FAM135A: variants seen among roughly 807,000 people sequenced by gnomAD.
FAM135A encodes protein FAM135A.
A neutral mutation model predicts 146.8 loss-of-function variants in FAM135A; 79 were observed. The ratio of observed to expected loss-of-function variants is 0.54; its 90% CI spans 0.45 to 0.65. The LOEUF (loss-of-function observed/expected upper bound fraction) is 0.65. Among genes scored for constraint, FAM135A ranks in the 30% least tolerant of loss-of-function variants. The probability of loss-of-function intolerance (pLI) is 0.00; values close to 1 mark genes in which losing one functional copy is unlikely to be tolerated. For missense variants in FAM135A, 1,623 were observed against 1,758.2 expected (o/e 0.92, Z 1.38); for synonymous variants, 562 against 603.6 (o/e 0.93, Z 1.01).
intron 4 of FAM135A, among the ~76,000 whole-genome samples, chr6:70,433,650 G>A (rs1772279300): frequency 1.3e-5 from 2 of 152,118 alleles, no homozygotes; most frequent in East Asian, 3.9e-4. Context: ...GCCTTGGTTG[G>A]GACTTCTCAG....
Position 70,525,361 on chromosome 6 carries a change from T to C in FAM135A, c.2277T>C (p.Ser759=). 5.0e-6 allele frequency: 8 copies of C among 1,613,608 alleles called. No homozygotes were observed. Among genetic ancestry groups the C allele is most frequent in the Non-Finnish European group, 6.8e-6 (8 of 1,179,672 alleles). Residue 759 remains serine (S), a synonymous_variant, in exon 15 of 22, where the codon AGT becomes AGC. Coordinates refer to ENST00000418814, the MANE Select transcript of FAM135A (RefSeq NM_001162529.3). Reference sequence around the variant, plus strand: ...ATACAATTAAGTTACCAGATATTAGTGCCACATATGCCTCATCTAGATTTT... The same window carrying C: ...ATACAATTAAGTTACCAGATATTAGCGCCACATATGCCTCATCTAGATTTT... ...SGDTIKLPDI[S]ATYASSRFSD... is the part of the protein sequence containing the mutation.
At chr6:70,445,873 C>G (rs866650348) in intron 4 of FAM135A, among the ~76,000 whole-genome samples, 2 of 152,156 alleles carry the variant, frequency 1.3e-5, no homozygotes, top group South Asian at 4.1e-4. Context: ...CCCAACATAT[C>G]CCCCTTATTT....
At chr6:70,435,107 ATATT>A (rs201944357) in intron 4 of FAM135A, among the ~76,000 whole-genome samples, 4,707 of 65,666 alleles carry the variant, frequency 0.072, 78 homozygotes, top group Non-Finnish European at 0.11. Context: ...ATATATATAT[ATATT>A]TTTTTTTTTT....
intron 4 of FAM135A, among the ~76,000 whole-genome samples, chr6:70,443,337 C>T (rs750058253): frequency 1.4e-4 from 21 of 152,178 alleles, no homozygotes; most frequent in Non-Finnish European, 2.5e-4. Context: ...CCTCCTAGTG[C>T]AATACATTAC....
At chr6:70,472,686 TTCA>T (rs940551963) in intron 5 of FAM135A, among the ~76,000 whole-genome samples, 3 of 152,192 alleles carry the variant, frequency 2.0e-5, no homozygotes, top group Non-Finnish European at 4.4e-5. Context: ...TTTAGTCTCC[TTCA>T]TCCTAGAACA....
intron 16 of FAM135A, among the ~76,000 whole-genome samples, chr6:70,530,063 CAAA>C (rs372824722): frequency 6.9e-6 from 1 of 145,572 alleles, no homozygotes; most frequent in Non-Finnish European, 1.5e-5. Context: ...GACTACGTCT[CAAA>C]AAAAAAAATA....
chr6:70,465,049 C>T (rs1421222128), intron 5 of FAM135A, among the ~76,000 whole-genome samples: 3 of 151,764 alleles, frequency 2.0e-5, no homozygotes, highest in Non-Finnish European at 4.4e-5. Context: ...CATTTTCCTA[C>T]CCCCTGTCAA....
At chr6:70,516,877 A>G (rs922911701) in intron 12 of FAM135A, among the ~76,000 whole-genome samples, 1 of 152,132 alleles carries the variant, frequency 6.6e-6, no homozygotes, top group African/African-American at 2.4e-5. Context: ...CTTATATTCT[A>G]GTAGAGGGGA....
intron 10 of FAM135A, among the ~76,000 whole-genome samples, chr6:70,488,503 A>G (rs1462047761): frequency 6.9e-6 from 1 of 143,974 alleles, no homozygotes; most frequent in Non-Finnish European, 1.5e-5. Context: ...CATCACATTT[A>G]TACATTTCTA....
intron 12 of FAM135A, chr6:70,503,245 T>G (rs755851110): frequency 6.5e-6 from 1 of 153,444 alleles, no homozygotes; most frequent in Non-Finnish European, 1.5e-5. Context: ...ATTACACATA[T>G]ATGTTTACTG....
chr6:70,519,184 G>A (rs1792987653), intron 12 of FAM135A, among the ~76,000 whole-genome samples: 1 of 152,162 alleles, frequency 6.6e-6, no homozygotes, highest in Non-Finnish European at 1.5e-5. Flanking sequence ...ACGACGAGTG[G>A]AGAAAATAAC....
At chr6:70,419,086 G>T (rs3889007) in intron 2 of FAM135A, among the ~76,000 whole-genome samples, 30,652 of 152,084 alleles carry the variant, frequency 0.2, 3,381 homozygotes, top group African/African-American at 0.29. Context: ...AATAATACTT[G>T]GTTATTTACA....
At chr6:70,475,330 A>G (rs1782416921) in intron 5 of FAM135A, 80 bp from the exon 6 acceptor site, 1 of 1,137,406 alleles carries the variant, frequency 8.8e-7, no homozygotes, top group African/African-American at 1.6e-5. Context: ...TCAAACATAC[A>G]GTATTTTAAA....
intron 21 of FAM135A, among the ~76,000 whole-genome samples, chr6:70,559,074 G>A (rs1457282048): frequency 1.3e-5 from 2 of 152,184 alleles, no homozygotes; most frequent in East Asian, 3.8e-4. Flanking sequence ...TTTCATAATT[G>A]TTTAATGAGT....
chr6:70,453,256 A>G (rs923885510), intron 5 of FAM135A, among the ~76,000 whole-genome samples: 2 of 152,246 alleles, frequency 1.3e-5, no homozygotes, highest in Admixed American at 6.5e-5. Flanking sequence ...TTAAAGCACC[A>G]TAAAAATAAT....
intron 10 of FAM135A, among the ~76,000 whole-genome samples, chr6:70,490,746 T>A (rs1287504080): frequency 6.6e-6 from 1 of 152,066 alleles, no homozygotes; most frequent in Non-Finnish European, 1.5e-5. Context: ...ATTATATAGT[T>A]GGTCTTTTCT....
chr6:70,537,177 G>A (rs1048065044), intron 19 of FAM135A, among the ~76,000 whole-genome samples: 4 of 151,890 alleles, frequency 2.6e-5, no homozygotes, highest in Non-Finnish European at 4.4e-5. Context: ...CTCGTGATCC[G>A]CCCGCCTCGG....
chr6:70,480,297 C>G (rs1163407592), intron 8 of FAM135A, among the ~76,000 whole-genome samples: 1 of 151,990 alleles, frequency 6.6e-6, no homozygotes, highest in Non-Finnish European at 1.5e-5. Context: ...CATAGCAAGA[C>G]CTCACCTCTA....
Position 70,524,555 on chromosome 6 carries a change from A to C in FAM135A, c.1471A>C (p.Lys491Gln). 1 of 1,549,446 alleles carries C rather than the reference A, an allele frequency of 6.5e-7. No homozygotes were observed. The highest frequency in any genetic ancestry group is 8.7e-7 in the Non-Finnish European group (1 of 1,146,362). Reference protein sequence around the residue: ...KGKNEESNKSKVKVTKLMKTM... With the variant: ...KGKNEESNKSQVKVTKLMKTM... Reference sequence around the variant, plus strand: ...AAAGAATGAAGAATCAAATAAATCCAAAGTTAAGGTTACTAAGCTTATGAA... The same window carrying C: ...AAAGAATGAAGAATCAAATAAATCCCAAGTTAAGGTTACTAAGCTTATGAA... Residue 491 changes from lysine to glutamine, a missense_variant, in exon 15 of 22, where the codon AAA (lysine) becomes CAA (glutamine). Coordinates refer to ENST00000418814, the MANE Select transcript of FAM135A (RefSeq NM_001162529.3).
Sources: gnomAD v4.1 joint callset for allele counts (sites outside exome capture counted in the v4.1 genomes callset) on GRCh38, gnomAD v4.1.1 for gene constraint, MANE v1.5 for transcripts, NCBI Gene and HGNC (gene_info 2026-07-23, HGNC 2026-07-21) for gene names.